PALM2AKAP2: variants seen among roughly 807,000 people sequenced by gnomAD.
PALM2AKAP2 encodes PALM2 and AKAP2 fusion.
Under a neutral mutation model 71.5 loss-of-function variants are expected in PALM2AKAP2, and 37 were observed. That is an observed-to-expected ratio of 0.52 (90% CI 0.40 to 0.68). The LOEUF is 0.68. PALM2AKAP2 is among the 30% of genes least tolerant of loss of function. The pLI is 0.00. For synonymous variants in PALM2AKAP2, 468 were observed against 478.8 expected (o/e 0.98, Z 0.29); for missense variants, 1,224 against 1,191.8 (o/e 1.03, Z -0.40).
At chr9:109,862,552 G>A (rs1236832800) in intron 1 of PALM2AKAP2, among the ~76,000 whole-genome samples, 1 of 152,036 alleles carries the variant, frequency 6.6e-6, no homozygotes. Flanking sequence ...TCTCTAACTG[G>A]TGTTTCTCAG....
intron 1 of PALM2AKAP2, among the ~76,000 whole-genome samples, chr9:109,756,099 C>A (rs12337880): frequency 0.027 from 4,155 of 152,200 alleles, 192 homozygotes; most frequent in African/African-American, 0.094. Context: ...AGTTATAACA[C>A]TTTTGATTCA....
chr9:109,931,481 AC>A (rs1424625059), intron 5 of PALM2AKAP2, among the ~76,000 whole-genome samples: 1 of 152,244 alleles, frequency 6.6e-6, no homozygotes, highest in Non-Finnish European at 1.5e-5. Context: ...CAGGGAATGA[AC>A]CCCATAATAA....
chr9:109,805,142 T>C (rs1194646222), intron 1 of PALM2AKAP2, among the ~76,000 whole-genome samples: 1 of 152,238 alleles, frequency 6.6e-6, no homozygotes, highest in Non-Finnish European at 1.5e-5. Context: ...GTTTGTTTTT[T>C]TCATGGAAGA....
chr9:109,923,691 G>T (rs756776008), intron 3 of PALM2AKAP2, 44 bp from the exon 4 acceptor site: 3 of 1,535,048 alleles, frequency 2.0e-6, no homozygotes, highest in Non-Finnish European at 2.6e-6. Flanking sequence ...CCCGTGGATG[G>T]CAGGACAATA....
intron 3 of PALM2AKAP2, among the ~76,000 whole-genome samples, chr9:109,910,974 A>G (rs960007984): frequency 2.0e-5 from 3 of 152,322 alleles, no homozygotes; most frequent in Admixed American, 6.5e-5. Flanking sequence ...ATTCTTGTTT[A>G]TTGACTAGCA....
chr9:110,069,499 G>A (rs1834159324), intron 1 of PALM2AKAP2, among the ~76,000 whole-genome samples: 1 of 152,168 alleles, frequency 6.6e-6, no homozygotes, highest in African/African-American at 2.4e-5. Context: ...GCTTGTTAAT[G>A]TGGTTAATTG....
At chr9:109,741,487 G>T (rs369095314) in intron 1 of PALM2AKAP2, among the ~76,000 whole-genome samples, 5 of 152,200 alleles carry the variant, frequency 3.3e-5, no homozygotes, top group East Asian at 3.8e-4. Flanking sequence ...GATTGAAACT[G>T]CTGGGTCATA....
At chr9:109,958,790 T>G (rs1831795841) in intron 6 of PALM2AKAP2, among the ~76,000 whole-genome samples, 1 of 152,170 alleles carries the variant, frequency 6.6e-6, no homozygotes, top group Admixed American at 6.5e-5. Flanking sequence ...TTAGAAGCCA[T>G]CACATCAGCC....
At chr9:109,988,834 C>T (rs898967102) in intron 6 of PALM2AKAP2, among the ~76,000 whole-genome samples, 6 of 152,166 alleles carry the variant, frequency 3.9e-5, no homozygotes, top group South Asian at 2.1e-4. Flanking sequence ...CCACTTGTTT[C>T]GGGAGGGACC....
intron 6 of PALM2AKAP2, among the ~76,000 whole-genome samples, chr9:109,965,201 G>T (rs1930255): frequency 6.6e-6 from 1 of 152,072 alleles, no homozygotes; most frequent in Non-Finnish European, 1.5e-5. Flanking sequence ...TAATCCCTAC[G>T]ATAGATTTGT....
At chr9:110,134,730 G>A (rs895813397) in intron 1 of PALM2AKAP2, among the ~76,000 whole-genome samples, 1 of 152,062 alleles carries the variant, frequency 6.6e-6, no homozygotes, top group Non-Finnish European at 1.5e-5. Flanking sequence ...AATATTCTAA[G>A]CATTTAAAAT....
intron 1 of PALM2AKAP2, among the ~76,000 whole-genome samples, chr9:109,772,836 G>A (rs1410156708): frequency 6.6e-6 from 1 of 152,148 alleles, no homozygotes; most frequent in Non-Finnish European, 1.5e-5. Context: ...TTGCAAGGTC[G>A]GGCCGGGTGT....
chr9:109,812,608 T>G (rs1827754494), intron 1 of PALM2AKAP2, among the ~76,000 whole-genome samples: 1 of 152,214 alleles, frequency 6.6e-6, no homozygotes, highest in South Asian at 2.1e-4. Context: ...TTTATTTCAC[T>G]TTGGCAAAAT....
In PALM2AKAP2 at chr9:110,052,735, C is replaced by T. The variant is rs1332920557; in HGVS notation, c.156+3880C>T. Among the ~76,000 whole-genome samples, 3 of 152,132 alleles carry T rather than the reference C, an allele frequency of 2.0e-5. No homozygotes were observed. The East Asian group carries it at 5.8e-4, about 29-fold the overall frequency. On this transcript the variant is annotated intron_variant, in intron 1 of 3. Transcript: ENST00000374525. ...CTGGTTAGCTATTCCGTCTTCTTGC[C>T]TTGATGGGTTGACTGGTGGTGAATG...
chr9:109,729,340 C>A (rs139365918), intron 1 of PALM2AKAP2, among the ~76,000 whole-genome samples: 1 of 152,084 alleles, frequency 6.6e-6, no homozygotes, highest in East Asian at 1.9e-4. Flanking sequence ...CATTTAAAAC[C>A]GCTGATTAAT....
chr9:109,806,769 G>A (rs1003168901), intron 1 of PALM2AKAP2, among the ~76,000 whole-genome samples: 3 of 152,188 alleles, frequency 2.0e-5, no homozygotes, highest in African/African-American at 7.2e-5. Flanking sequence ...AGTGGGTGAA[G>A]GAGAGTGGTA....
At chr9:109,667,167 A>T (rs1291993505) in intron 1 of PALM2AKAP2, among the ~76,000 whole-genome samples, 1 of 152,174 alleles carries the variant, frequency 6.6e-6, no homozygotes, top group Non-Finnish European at 1.5e-5. Context: ...CTGGAATCAG[A>T]GGGAGAGTGG....
intron 6 of PALM2AKAP2, among the ~76,000 whole-genome samples, chr9:109,999,311 C>G (rs1433259244): frequency 6.6e-6 from 1 of 152,050 alleles, no homozygotes; most frequent in East Asian, 1.9e-4. Context: ...GATCACACCA[C>G]TGCACCACTC....
chr9:110,006,346 C>CTTTCTTTCTT (rs1554736936), intron 6 of PALM2AKAP2, among the ~76,000 whole-genome samples: 1 of 131,424 alleles, frequency 7.6e-6, no homozygotes, highest in Non-Finnish European at 1.6e-5. Context: ...TTCTTTCTTT[C>CTTTCTTTCTT]TTTCTTTCTT....
Sources: allele counts gnomAD v4.1 joint callset (sites outside exome capture counted in the v4.1 genomes callset), GRCh38; gene constraint gnomAD v4.1.1; transcripts MANE v1.5; gene names NCBI Gene and HGNC (gene_info 2026-07-23, HGNC 2026-07-21).